Variants in TRIM49C observed in about 807,000 individuals in gnomAD.
TRIM49C encodes the protein tripartite motif-containing protein 49C.
In TRIM49C, 6 loss-of-function variants were observed where a neutral mutation model predicts 21.4. The observed-to-expected ratio is 0.28, with a 90% CI of 0.15 to 0.55. The LOEUF (loss-of-function observed/expected upper bound fraction) is 0.55. TRIM49C is among the 20% of genes least tolerant of loss of function. The pLI is 0.94. For missense variants in TRIM49C, 161 were observed against 442.4 expected, an observed-to-expected ratio of 0.36 and a Z score of 5.71; for synonymous variants, 57 against 148.1, an observed-to-expected ratio of 0.38 and a Z score of 4.47.
intron 2 of TRIM49C, among the ~76,000 whole-genome samples, chr11:90,033,523 T>A (rs1309765940): frequency 1.1e-4 from 15 of 131,048 alleles, no homozygotes; most frequent in African/African-American, 3.8e-4. Context: ...TTGCCTACAG[T>A]ATGCAGTACA....
the TRIM49C span, among the ~76,000 whole-genome samples, chr11:90,072,712 G>A: frequency 2.3e-5 from 3 of 131,204 alleles, no homozygotes; most frequent in African/African-American, 5.8e-5. Flanking sequence ...TATACTTTTT[G>A]AGTTTATAGA....
At chr11:90,056,223 G>A in the TRIM49C span, among the ~76,000 whole-genome samples, 2 of 137,548 alleles carry the variant, frequency 1.5e-5, 1 homozygote, top group South Asian at 4.7e-4. Flanking sequence ...GCCTCCCAAA[G>A]TGCTGGGATT....
chr11:90,052,571 A>G, the TRIM49C span: 1 of 148,700 alleles, frequency 6.7e-6, no homozygotes, highest in Non-Finnish European at 1.4e-5. Flanking sequence ...AGGCAGCTCA[A>G]GCTGGTACTT....
the TRIM49C span, among the ~76,000 whole-genome samples, chr11:90,067,015 T>G: frequency 7.3e-6 from 1 of 137,564 alleles, no homozygotes; most frequent in African/African-American, 2.6e-5. Context: ...TGATCTGCTA[T>G]TATCATTTTA....
the TRIM49C span, chr11:90,052,443 C>A: frequency 1.7e-5 from 3 of 176,108 alleles, no homozygotes; most frequent in South Asian, 2.5e-4. Context: ...CCAGGGCGCC[C>A]CGGTCCTCTG....
chr11:90,038,677 T>C lies in TRIM49C; in HGVS notation c.739-16T>C, dbSNP rs1751008133. 6 of 221,794 alleles carry C rather than the reference T, an allele frequency of 2.7e-5. No homozygotes were observed. Among genetic ancestry groups the C allele is most frequent in the South Asian group, 1.5e-4 (1 of 6,724 alleles). 13.7% of individuals were successfully genotyped at this position (221,794 alleles called of 1,614,324 possible). On this transcript the variant is annotated splice_polypyrimidine_tract_variant and intron_variant, in intron 5 of 7. Coordinates refer to ENST00000448984, the MANE Select transcript of TRIM49C (RefSeq NM_001195234.1). The stretch of plus-strand genomic sequence containing the variant: ...TGTGAAATGCACTAAATCTTTCTTC[T>C]TTTTTTTTTTTTCAGGCTTTTGGAG...
At chr11:90,045,312 G>C (rs892499520), downstream of TRIM49C, among the ~76,000 whole-genome samples, 4 of 74,716 alleles carry the variant, frequency 5.4e-5, 1 homozygote, top group African/African-American at 2.1e-4. Flanking sequence ...ATTCTGTGAA[G>C]AAAGTCATTG....
At chr11:90,036,119 A>G in intron 4 of TRIM49C, 136 bp downstream of exon 4, 1 of 1,169,642 alleles carries the variant, frequency 8.5e-7, no homozygotes. Flanking sequence ...AAACATTGAG[A>G]AAAAGTGGCC....
chr11:90,056,114 G>A, the TRIM49C span, among the ~76,000 whole-genome samples: 1 of 135,160 alleles, frequency 7.4e-6, no homozygotes, highest in East Asian at 2.4e-4. Context: ...GCCCGCCACC[G>A]CGCCCGGCTA....
At chr11:90,048,927 C>T in the TRIM49C span, among the ~76,000 whole-genome samples, 3 of 125,526 alleles carry the variant, frequency 2.4e-5, no homozygotes, top group African/African-American at 6.4e-5. Flanking sequence ...ATGCTGGTGA[C>T]GTACAGATGG....
At chr11:90,052,540 C>CAAATGAACCAGCCCAGT in the TRIM49C span, 1 of 157,658 alleles carries the variant, frequency 6.3e-6, no homozygotes, top group Non-Finnish European at 1.3e-5. Context: ...CCTCGGGCTT[C>CAAATGAACCAGCCCAGT]TGCGCCCTCT....
the TRIM49C span, among the ~76,000 whole-genome samples, chr11:90,054,554 TA>T: frequency 0.012 from 1,613 of 135,742 alleles, 206 homozygotes; most frequent in Non-Finnish European, 0.017. Flanking sequence ...TCAGCCTCCA[TA>T]AAAAATCTGT....
chr11:90,065,643 T>C, the TRIM49C span, among the ~76,000 whole-genome samples: 1 of 141,034 alleles, frequency 7.1e-6, no homozygotes, highest in African/African-American at 2.5e-5. Flanking sequence ...AAAGTTGACT[T>C]AACACAGTTT....
At chr11:90,048,661 A>G in the TRIM49C span, among the ~76,000 whole-genome samples, 1 of 133,940 alleles carries the variant, frequency 7.5e-6, no homozygotes, top group Non-Finnish European at 1.6e-5. Flanking sequence ...CTAGTTAGCC[A>G]TTCATCTAAT....
At chr11:90,036,755 C>A (rs1950730286) in intron 4 of TRIM49C, among the ~76,000 whole-genome samples, 1 of 138,002 alleles carries the variant, frequency 7.2e-6, no homozygotes, top group South Asian at 2.5e-4. Context: ...AAGGAAGCAC[C>A]TTTGTCCTCA....
At chr11:90,046,575 C>T (rs1439672981), downstream of TRIM49C, among the ~76,000 whole-genome samples, 2 of 122,160 alleles carry the variant, frequency 1.6e-5, 1 homozygote, top group Non-Finnish European at 3.4e-5. Context: ...ATAGTATTCA[C>T]TGATGGTAGT....
the TRIM49C span, among the ~76,000 whole-genome samples, chr11:90,066,823 A>G: frequency 3.7e-5 from 5 of 136,894 alleles, no homozygotes; most frequent in African/African-American, 1.3e-4. Flanking sequence ...GCTGGAGTGC[A>G]ATGGCATGAT....
At chr11:90,062,994 C>T in the TRIM49C span, 1 of 1,316,178 alleles carries the variant, frequency 7.6e-7, no homozygotes, top group Non-Finnish European at 1.0e-6. Context: ...GCATCAGAAT[C>T]CATGTTTCTG....
At position 90,032,508 on chromosome 11, in the gene TRIM49C, C is replaced by T. The variant is rs1215889260; in HGVS notation, c.-79C>T. 7.7e-6 allele frequency: 1 copy of T among 129,896 alleles called. No homozygotes were observed. Among genetic ancestry groups the T allele is most frequent in the African/African-American group, 3.2e-5 (1 of 31,310 alleles). 8.0% of individuals were successfully genotyped at this position (129,896 alleles called of 1,614,324 possible). A position where few individuals can be genotyped will look rare whatever the true frequency, so the allele number is the denominator to read the frequency against. ...GAAATTCAGTACTGCAGTGAATGAG[C>T]TTCTGACCTTGAGGTGAACTTAACA... On this transcript the variant is annotated 5_prime_UTR_variant, in exon 2 of 8. Transcript: ENST00000448984.
Sources: gnomAD v4.1 joint callset for allele counts (sites outside exome capture counted in the v4.1 genomes callset) on GRCh38, gnomAD v4.1.1 for gene constraint, MANE v1.5 for transcripts, NCBI Gene and HGNC (gene_info 2026-07-23, HGNC 2026-07-21) for gene names.